Variants in IQCJ observed in about 807,000 individuals in gnomAD.
IQCJ encodes the protein IQ domain-containing protein J.
A neutral mutation model predicts 11.0 loss-of-function variants in IQCJ; 9 were observed. That is an observed-to-expected ratio of 0.82 (90% CI 0.49 to 1.43). The LOEUF (loss-of-function observed/expected upper bound fraction) is 1.43. Among genes scored for constraint, IQCJ ranks in the 40% most tolerant of loss-of-function variants. IQCJ has a pLI of 0.00. For missense variants in IQCJ, 146 were observed against 133.2 expected (o/e 1.10, Z -0.47); for synonymous variants, 55 against 51.3 (o/e 1.07, Z -0.31).
chr3:159,085,796 C>A (rs1252007995), intron 1 of IQCJ, among the ~76,000 whole-genome samples: 3 of 150,270 alleles, frequency 2.0e-5, no homozygotes, highest in Non-Finnish European at 3.0e-5. Flanking sequence ...TGTTTGAGTT[C>A]ATTGTAGATT....
At chr3:159,168,379 G>T (rs1722295466) in intron 1 of IQCJ, among the ~76,000 whole-genome samples, 1 of 151,646 alleles carries the variant, frequency 6.6e-6, no homozygotes, top group South Asian at 2.1e-4. Flanking sequence ...TAAATCTCGT[G>T]ACTTGAAAAA....
intron 1 of IQCJ, among the ~76,000 whole-genome samples, chr3:159,172,773 G>C (rs527812025): frequency 6.6e-6 from 1 of 150,906 alleles, no homozygotes; most frequent in Middle Eastern, 3.2e-3. Context: ...AGGCGGGCGG[G>C]GGGGTGGGGG....
chr3:159,254,118 A>G (rs978634520), intron 3 of IQCJ, among the ~76,000 whole-genome samples: 3 of 152,248 alleles, frequency 2.0e-5, no homozygotes, highest in African/African-American at 7.2e-5. Flanking sequence ...TTAGTTGGCA[A>G]ACATAGGTTG....
chr3:159,236,752 T>G (rs1279823208), intron 1 of IQCJ, among the ~76,000 whole-genome samples: 2 of 152,226 alleles, frequency 1.3e-5, no homozygotes, highest in Non-Finnish European at 2.9e-5. Context: ...TGTTTAATGA[T>G]GCAGAGTTAA....
At chr3:159,243,657 G>A (rs1266884100) in intron 1 of IQCJ, among the ~76,000 whole-genome samples, 1 of 152,156 alleles carries the variant, frequency 6.6e-6, no homozygotes, top group Non-Finnish European at 1.5e-5. Context: ...AATGATAAAT[G>A]TTCTATATAT....
intron 1 of IQCJ, among the ~76,000 whole-genome samples, chr3:159,215,555 G>A (rs1016133500): frequency 2.0e-5 from 3 of 152,104 alleles, no homozygotes; most frequent in Admixed American, 2.0e-4. Context: ...CTGTTTCAAA[G>A]AAGTAGAAAA....
chr3:159,128,472 C>G (rs1375752651), intron 1 of IQCJ, among the ~76,000 whole-genome samples: 1 of 152,150 alleles, frequency 6.6e-6, no homozygotes, highest in Non-Finnish European at 1.5e-5. Flanking sequence ...TGAAGATACA[C>G]AAGCAGAATT....
At chr3:159,107,993 A>G (rs1354757776) in intron 1 of IQCJ, among the ~76,000 whole-genome samples, 1 of 116,254 alleles carries the variant, frequency 8.6e-6, no homozygotes, top group Admixed American at 1.1e-4. Context: ...TGCATGTTGC[A>G]CCTATGGTTT....
chr3:159,146,520 G>C (rs529856469), intron 1 of IQCJ, among the ~76,000 whole-genome samples: 1 of 152,068 alleles, frequency 6.6e-6, no homozygotes, highest in Admixed American at 6.6e-5. Flanking sequence ...GTCTTTACAC[G>C]GGATTGGTTG....
At chr3:159,112,498 T>A (rs1006751104) in intron 1 of IQCJ, among the ~76,000 whole-genome samples, 2 of 152,176 alleles carry the variant, frequency 1.3e-5, no homozygotes, top group African/African-American at 2.4e-5. Flanking sequence ...TTTGGACATA[T>A]AGAACTAATA....
intron 1 of IQCJ, among the ~76,000 whole-genome samples, chr3:159,228,866 C>T (rs1726019406): frequency 1.3e-5 from 2 of 151,606 alleles, no homozygotes; most frequent in Admixed American, 1.3e-4. Flanking sequence ...GTATGGGTAT[C>T]TCTATTTAAG....
intron 1 of IQCJ, among the ~76,000 whole-genome samples, chr3:159,161,053 G>A (rs1721821677): frequency 6.6e-6 from 1 of 152,174 alleles, no homozygotes; most frequent in African/African-American, 2.4e-5. Flanking sequence ...ACCCAGTAAT[G>A]GGATGGCTAG....
chr3:159,187,242 G>A (rs1473606442), intron 1 of IQCJ, among the ~76,000 whole-genome samples: 2 of 152,190 alleles, frequency 1.3e-5, no homozygotes, highest in African/African-American at 4.8e-5. Context: ...TGCCTCTGAG[G>A]CCCATAAAGG....
intron 1 of IQCJ, among the ~76,000 whole-genome samples, chr3:159,116,234 A>G (rs1020679386): frequency 6.6e-6 from 1 of 151,988 alleles, no homozygotes. Context: ...ACTCTGTCTC[A>G]AAAAAAGAGA....
chr3:159,122,407 C>T (rs61022111), intron 1 of IQCJ, among the ~76,000 whole-genome samples: 1,548 of 152,220 alleles, frequency 0.01, 28 homozygotes, highest in African/African-American at 0.036. Flanking sequence ...CAAGGGAAGA[C>T]GTATCTCTTT....
At chr3:159,169,919 C>T (rs1176830140) in intron 1 of IQCJ, among the ~76,000 whole-genome samples, 1 of 151,982 alleles carries the variant, frequency 6.6e-6, no homozygotes, top group East Asian at 1.9e-4. Context: ...AGACTTCCAC[C>T]CCTCATCACT....
intron 1 of IQCJ, among the ~76,000 whole-genome samples, chr3:159,214,096 C>T (rs1725093271): frequency 6.6e-6 from 1 of 152,170 alleles, no homozygotes; most frequent in African/African-American, 2.4e-5. Context: ...CCTGGACCTT[C>T]CCCTAAGTTG....
chr3:159,200,764 C>G (rs991677656), intron 1 of IQCJ, among the ~76,000 whole-genome samples: 1 of 152,170 alleles, frequency 6.6e-6, no homozygotes, highest in African/African-American at 2.4e-5. Flanking sequence ...TCTGGCATCC[C>G]TGGCATAGCA....
At chr3:159,085,222 C>T (rs957486358) in intron 1 of IQCJ, among the ~76,000 whole-genome samples, 1 of 151,770 alleles carries the variant, frequency 6.6e-6, no homozygotes, top group Non-Finnish European at 1.5e-5. Flanking sequence ...CCAATTTCAT[C>T]CATGTCCCTA....
Sources: gnomAD v4.1 joint callset for allele counts (sites outside exome capture counted in the v4.1 genomes callset) on GRCh38, gnomAD v4.1.1 for gene constraint, MANE v1.5 for transcripts, NCBI Gene and HGNC (gene_info 2026-07-23, HGNC 2026-07-21) for gene names.